CADM2: variants seen among roughly 807,000 people sequenced by gnomAD.
CADM2 encodes the protein immunoglobulin superfamily member 4D.
CADM2 carries 12 observed loss-of-function variants against 49.8 expected under a neutral mutation model. The observed-to-expected ratio is 0.24, with a 90% CI of 0.15 to 0.39. CADM2 has a LOEUF of 0.39. Among genes scored for constraint, CADM2 ranks in the 10% least tolerant of loss-of-function variants. CADM2 has a pLI of 1.00. For synonymous variants in CADM2, 214 were observed against 175.4 expected, an observed-to-expected ratio of 1.22 and a Z score of -1.74; for missense variants, 378 against 492.3, an observed-to-expected ratio of 0.77 and a Z score of 2.20.
chr3:85,734,980 G>A (rs1311163015), intron 2 of CADM2, among the ~76,000 whole-genome samples: 2 of 148,086 alleles, frequency 1.4e-5, no homozygotes, highest in Non-Finnish European at 3.0e-5. Flanking sequence ...ATATATATAT[G>A]TGTGTGTGTG....
chr3:85,344,412 TA>T (rs199619493), intron 1 of CADM2, among the ~76,000 whole-genome samples: 2 of 146,486 alleles, frequency 1.4e-5, no homozygotes, highest in Non-Finnish European at 3.0e-5. Flanking sequence ...AATAAATAAA[TA>T]AATAAATAAT....
chr3:86,072,184 T>C lies in CADM2; in HGVS notation c.*5401T>C, dbSNP rs946826442. Reference sequence around the variant, plus strand: ...AAAATAAAAACATGAATATCTCAAATTATAATGGTTAATCTCTAAAATATG... The same window carrying C: ...AAAATAAAAACATGAATATCTCAAACTATAATGGTTAATCTCTAAAATATG... On this transcript the variant is annotated 3_prime_UTR_variant, in exon 10 of 10. Transcript: ENST00000383699. The C allele has an allele frequency of 2.6e-5, 4 of 151,770 alleles. No homozygotes were observed. Among genetic ancestry groups the C allele is most frequent in the African/African-American group, 9.7e-5 (4 of 41,402 alleles). The allele number at this position is 151,770 out of a possible 1,614,324, so 9.4% of individuals were successfully genotyped here. A position where few individuals can be genotyped will look rare whatever the true frequency, so the allele number is the denominator to read the frequency against.
At chr3:85,889,774 T>A (rs969834660) in intron 5 of CADM2, among the ~76,000 whole-genome samples, 13 of 152,100 alleles carry the variant, frequency 8.5e-5, no homozygotes, top group Non-Finnish European at 1.6e-4. Flanking sequence ...CCTGAATTAG[T>A]CCTAGAAATA....
intron 1 of CADM2, among the ~76,000 whole-genome samples, chr3:85,140,085 A>G (rs952495032): frequency 6.6e-6 from 1 of 152,160 alleles, no homozygotes; most frequent in African/African-American, 2.4e-5. Context: ...CCAGGCTTGT[A>G]GCTAAGATTC....
In CADM2 at chr3:85,229,537, G is replaced by A. The variant is rs565688404; in HGVS notation, c.61+269869G>A. ...TGCAGAAATCACCTGCCTTCTGCAT[G>A]GATATTGCTAGGAGCTGCAGACCAG... On this transcript the variant is annotated intron_variant, in intron 1 of 9. Transcript: ENST00000383699. Among the ~76,000 whole-genome samples the A allele has an allele frequency of 3.3e-5, 5 of 152,284 alleles. No homozygotes were observed. The East Asian group carries it at 9.7e-4, about 29-fold the overall frequency.
intron 1 of CADM2, among the ~76,000 whole-genome samples, chr3:84,962,319 T>A (rs1369274217): frequency 6.6e-6 from 1 of 151,144 alleles, no homozygotes; most frequent in African/African-American, 2.4e-5. Flanking sequence ...AAAGCACCAC[T>A]GGATTGTCTT....
intron 8 of CADM2, among the ~76,000 whole-genome samples, chr3:86,064,749 T>A (rs568548077): frequency 1.4e-4 from 22 of 152,326 alleles, no homozygotes; most frequent in Middle Eastern, 3.4e-3. Context: ...AATGACCTTT[T>A]CATTTCTTCT....
chr3:85,135,092 A>G (rs1393984200), intron 1 of CADM2, among the ~76,000 whole-genome samples: 3 of 152,162 alleles, frequency 2.0e-5, no homozygotes, highest in Admixed American at 1.3e-4. Context: ...ATAAATGTGT[A>G]TATAAAATGC....
intron 1 of CADM2, among the ~76,000 whole-genome samples, chr3:85,674,147 A>G (rs2065825133): frequency 6.6e-6 from 1 of 152,212 alleles, no homozygotes; most frequent in South Asian, 2.1e-4. Flanking sequence ...TCTGACAGAT[A>G]TTAGTTAAAA....
intron 1 of CADM2, among the ~76,000 whole-genome samples, chr3:85,055,436 T>A (rs2036043876): frequency 6.6e-6 from 1 of 152,050 alleles, no homozygotes; most frequent in Admixed American, 6.6e-5. Flanking sequence ...TTTCCCTCCA[T>A]CATCATCCAC....
intron 6 of CADM2, among the ~76,000 whole-genome samples, chr3:85,933,446 G>A (rs1347534454): frequency 6.6e-6 from 1 of 151,958 alleles, no homozygotes; most frequent in African/African-American, 2.4e-5. Flanking sequence ...ACTTCTCAAG[G>A]CTTCCTGAGA....
intron 1 of CADM2, among the ~76,000 whole-genome samples, chr3:85,682,207 A>C (rs1181047186): frequency 6.6e-6 from 1 of 152,126 alleles, no homozygotes; most frequent in Non-Finnish European, 1.5e-5. Context: ...CAAAGCCCAG[A>C]ATAATAAAGT....
At chr3:85,670,240 A>G (rs1240440899) in intron 1 of CADM2, among the ~76,000 whole-genome samples, 3 of 152,192 alleles carry the variant, frequency 2.0e-5, no homozygotes, top group Non-Finnish European at 2.9e-5. Context: ...TCACATATGA[A>G]TTCTTGCTAT....
rs142607278 is a variant in CADM2, at chr3:85,910,603, G to A, written c.530-1770G>A. Among the ~76,000 whole-genome samples the A allele has an allele frequency of 6.4e-4, 98 of 152,078 alleles. No homozygotes were observed. The East Asian group carries it at 0.011, about 18-fold the overall frequency. ...AGGACACGTTTATAAACAATTCTGC[G>A]TATAATTTTGTATCCTGTGTTATTT... On this transcript the variant is annotated intron_variant, in intron 5 of 9. Coordinates refer to ENST00000383699, the MANE Select transcript of CADM2 (RefSeq NM_001167675.2).
intron 1 of CADM2, among the ~76,000 whole-genome samples, chr3:85,583,656 CA>C (rs1439847380): frequency 1.3e-5 from 2 of 151,718 alleles, no homozygotes; most frequent in Non-Finnish European, 2.9e-5. Context: ...GCAAATGGGA[CA>C]AAAAATAAAC....
chr3:85,448,182 A>G (rs954175013), intron 1 of CADM2, among the ~76,000 whole-genome samples: 8 of 151,750 alleles, frequency 5.3e-5, no homozygotes, highest in Admixed American at 6.6e-5. Flanking sequence ...ATACAAAAAA[A>G]ATTAGCCAGG....
intron 1 of CADM2, among the ~76,000 whole-genome samples, chr3:85,194,020 G>A (rs1256822897): frequency 3.3e-5 from 5 of 152,066 alleles, no homozygotes; most frequent in Non-Finnish European, 7.4e-5. Context: ...CAAGTGGTTT[G>A]TATAACAGGG....
chr3:85,354,398 A>T (rs1050520252), intron 1 of CADM2, among the ~76,000 whole-genome samples: 3 of 150,546 alleles, frequency 2.0e-5, no homozygotes, highest in African/African-American at 7.3e-5. Flanking sequence ...GATACACCTA[A>T]TGCTAAATGA....
rs147153255 is a variant in CADM2, at chr3:86,011,731, G to A, written c.970+50084G>A. Among the ~76,000 whole-genome samples the A allele has an allele frequency of 3.7e-3, 560 of 152,180 alleles. 2 individuals carry two copies. The highest frequency in any genetic ancestry group is 0.013 in the African/African-American group (536 of 41,546). ...CTTTCTTGTTGGTATAATTGAAAAT[G>A]AGACTGTCCAAGAGAAATATGTAAA... On this transcript the variant is annotated intron_variant, in intron 8 of 9. Coordinates refer to ENST00000383699, the MANE Select transcript of CADM2 (RefSeq NM_001167675.2).
Sources: allele counts gnomAD v4.1 joint callset (sites outside exome capture counted in the v4.1 genomes callset), GRCh38; gene constraint gnomAD v4.1.1; transcripts MANE v1.5; gene names NCBI Gene and HGNC (gene_info 2026-07-23, HGNC 2026-07-21).